PIAS2: variants seen among roughly 807,000 people sequenced by gnomAD.
PIAS2 encodes the protein E3 SUMO-protein ligase PIAS2.
In PIAS2, 19 loss-of-function variants were observed where a neutral mutation model predicts 69.7. The observed-to-expected ratio is 0.27, with a 90% CI of 0.19 to 0.40. PIAS2 has a LOEUF of 0.40. Among genes scored for constraint, PIAS2 ranks in the 10% least tolerant of loss-of-function variants. The probability of loss-of-function intolerance (pLI) is 1.00; values close to 1 mark genes in which losing one functional copy is unlikely to be tolerated. For missense variants in PIAS2, 624 were observed against 757.0 expected (o/e 0.82, Z 2.06); for synonymous variants, 261 against 263.2 (o/e 0.99, Z 0.08).
intron 11 of PIAS2, among the ~76,000 whole-genome samples, chr18:46,824,541 G>C (rs2042578098): frequency 6.6e-6 from 1 of 152,104 alleles, no homozygotes; most frequent in Non-Finnish European, 1.5e-5. Flanking sequence ...GGTATTATAA[G>C]ACTGCATTTA....
chr18:46,817,248 A>G, intron 12 of PIAS2: 1 of 983,432 alleles, frequency 1.0e-6, no homozygotes, highest in Non-Finnish European at 1.2e-6. Context: ...TTATAACGCT[A>G]AGTATTGACA....
chr18:46,880,711 T>C (rs1383291836), intron 2 of PIAS2, among the ~76,000 whole-genome samples: 19 of 152,132 alleles, frequency 1.2e-4, no homozygotes, highest in African/African-American at 4.1e-4. Flanking sequence ...AAAAAGAACA[T>C]TCTCATACAG....
At chr18:46,822,130 A>G (rs563963414) in intron 11 of PIAS2, among the ~76,000 whole-genome samples, 1 of 152,314 alleles carries the variant, frequency 6.6e-6, no homozygotes, top group Admixed American at 6.5e-5. Context: ...AGTAATGAGA[A>G]ATGATGACAA....
At chr18:46,866,822 C>T (rs995254822) in intron 2 of PIAS2, among the ~76,000 whole-genome samples, 4 of 152,140 alleles carry the variant, frequency 2.6e-5, no homozygotes, top group African/African-American at 4.8e-5. Context: ...AAACCTAAAT[C>T]TCCCTAAAGA....
chr18:46,884,427 C>T (rs1049583882), intron 2 of PIAS2, among the ~76,000 whole-genome samples: 1 of 151,986 alleles, frequency 6.6e-6, no homozygotes, highest in Non-Finnish European at 1.5e-5. Context: ...ATTCTCCTGC[C>T]TCAGCCTCCC....
intron 2 of PIAS2, among the ~76,000 whole-genome samples, chr18:46,879,610 C>CA (rs1367046649): frequency 1.1e-4 from 17 of 152,288 alleles, no homozygotes; most frequent in Admixed American, 3.3e-4. Context: ...TTTGTATACT[C>CA]ACAGTCATAG....
At chr18:46,898,754 G>A (rs898096064) in intron 1 of PIAS2, among the ~76,000 whole-genome samples, 1 of 152,118 alleles carries the variant, frequency 6.6e-6, no homozygotes, top group Admixed American at 6.6e-5. Flanking sequence ...AACACTTTGG[G>A]GGGCTGAGGC....
rs946485298 is a variant in PIAS2 at position 46,812,179 on chromosome 18, A to G, written c.*254T>C. On this transcript the variant is annotated 3_prime_UTR_variant, in exon 14 of 14. Transcript: ENST00000585916. ...CCATTAACGTATGAAAGTGAAATCC[A>G]TCTCTCAGGAAGATACAGTTATGGT... The G allele has an allele frequency of 2.3e-5, 7 of 306,970 alleles. No homozygotes were observed. Among genetic ancestry groups the G allele is most frequent in the Non-Finnish European group, 4.2e-5 (7 of 167,298 alleles). 19.0% of individuals were successfully genotyped at this position (306,970 alleles called of 1,614,324 possible). A position where few individuals can be genotyped will look rare whatever the true frequency, so the allele number is the denominator to read the frequency against.
intron 2 of PIAS2, among the ~76,000 whole-genome samples, chr18:46,875,166 C>T (rs1306741239): frequency 3.3e-5 from 5 of 152,266 alleles, no homozygotes; most frequent in East Asian, 3.9e-4. Flanking sequence ...TGGAGATGAA[C>T]GAACTCAAAG....
chr18:46,840,733 C>G (rs2045252584), intron 8 of PIAS2, among the ~76,000 whole-genome samples: 1 of 152,100 alleles, frequency 6.6e-6, no homozygotes, highest in South Asian at 2.1e-4. Flanking sequence ...TTAAAAAGGA[C>G]CTGAATGTGC....
intron 1 of PIAS2, chr18:46,907,559 C>A (rs2056770082): frequency 6.6e-6 from 1 of 152,100 alleles, no homozygotes; most frequent in African/African-American, 2.4e-5. Context: ...ATACAGTTGA[C>A]CTTTGAATAA....
intron 1 of PIAS2, among the ~76,000 whole-genome samples, chr18:46,894,317 T>C (rs1375538271): frequency 6.6e-6 from 1 of 152,160 alleles, no homozygotes; most frequent in Admixed American, 6.5e-5. Flanking sequence ...TCCCCCACAG[T>C]GAGTGGGTGT....
At chr18:46,906,762 A>ATGTG (rs36074552) in intron 1 of PIAS2, among the ~76,000 whole-genome samples, 24 of 101,252 alleles carry the variant, frequency 2.4e-4, no homozygotes, top group South Asian at 7.8e-4. Flanking sequence ...AACAAGATGT[A>ATGTG]TGTGTGTGTG....
chr18:46,892,196 G>A lies in PIAS2; in HGVS notation c.25-1142C>T, dbSNP rs550560416. The stretch of plus-strand genomic sequence containing the variant: ...TCTGTACTTTTTAAGTCTCAGGGAC[G>A]GCCCAGAAGCAACTGTTTAAAACCC... On this transcript the variant is annotated intron_variant, in intron 1 of 13. Transcript: ENST00000585916. 2.6e-5 allele frequency among the ~76,000 whole-genome samples: 4 copies of A among 152,136 alleles called. 1 individual carries two copies. In the East Asian group the frequency reaches 7.7e-4, roughly 29 times the overall value.
At chr18:46,840,176 GA>G (rs911634269) in intron 8 of PIAS2, among the ~76,000 whole-genome samples, 95 of 147,992 alleles carry the variant, frequency 6.4e-4, no homozygotes, top group African/African-American at 2.2e-3. Flanking sequence ...GAAAGAAAAA[GA>G]AAAAAAAAAT....
chr18:46,826,335 CAA>C (rs2042847547), intron 11 of PIAS2, among the ~76,000 whole-genome samples: 1 of 152,124 alleles, frequency 6.6e-6, no homozygotes, highest in African/African-American at 2.4e-5. Flanking sequence ...ATGGACTTAT[CAA>C]ACACAGATAA....
chr18:46,875,245 C>G (rs1016116681), intron 2 of PIAS2, among the ~76,000 whole-genome samples: 1 of 152,082 alleles, frequency 6.6e-6, no homozygotes, highest in African/African-American at 2.4e-5. Flanking sequence ...AAGCATGGAG[C>G]CTTAAAAAGT....
rs191826709 is a variant in PIAS2, at chr18:46,853,367, A to C, written c.726+1978T>G. On this transcript the variant is annotated intron_variant, in intron 5 of 13. Coordinates refer to ENST00000585916, the MANE Select transcript of PIAS2 (RefSeq NM_004671.5). ...AATGGTTATGAAAAGGCCATGGGAC[A>C]GGTGCACAGGGTTGTGTATTAATCT... is the stretch of plus-strand genomic sequence containing the variant. 4 of 152,064 alleles carry C rather than the reference A, an allele frequency of 2.6e-5. No homozygotes were observed. The East Asian group carries it at 7.7e-4, about 29-fold the overall frequency. 9.4% of individuals were successfully genotyped at this position (152,064 alleles called of 1,614,324 possible). A position where few individuals can be genotyped will look rare whatever the true frequency, so the allele number is the denominator to read the frequency against.
intron 2 of PIAS2, among the ~76,000 whole-genome samples, chr18:46,873,858 C>T (rs1012452386): frequency 6.6e-6 from 1 of 152,122 alleles, no homozygotes. Context: ...CTGAAACGCC[C>T]GTTTTTCACC....
Sources: gnomAD v4.1 joint callset for allele counts (sites outside exome capture counted in the v4.1 genomes callset) on GRCh38, gnomAD v4.1.1 for gene constraint, MANE v1.5 for transcripts, NCBI Gene and HGNC (gene_info 2026-07-23, HGNC 2026-07-21) for gene names.